PRKCE: variants seen among roughly 807,000 people sequenced by gnomAD.
The protein encoded by PRKCE is protein kinase C epsilon type.
PRKCE carries 16 observed loss-of-function variants against 85.4 expected under a neutral mutation model. The observed-to-expected ratio is 0.19, with a 90% CI of 0.13 to 0.28. PRKCE has a LOEUF of 0.28. PRKCE is among the 10% of genes least tolerant of loss of function. PRKCE has a pLI of 1.00. For synonymous variants in PRKCE, 388 were observed against 371.5 expected (o/e 1.04, Z -0.51); for missense variants, 573 against 975.2 (o/e 0.59, Z 5.49).
chr2:46,139,787 G>T lies in PRKCE; in HGVS notation c.1593-5306G>T, dbSNP rs1367066734. Among the ~76,000 whole-genome samples the T allele has an allele frequency of 6.6e-6, 1 of 151,776 alleles. No individual in the cohort carries two copies. The highest frequency in any genetic ancestry group is 1.9e-4 in the East Asian group (1 of 5,186). On this transcript the variant is annotated intron_variant, in intron 11 of 14. Transcript: ENST00000306156. This position sits in a 1 kb window ranked among gnomAD's most constrained non-coding sequence, Gnocchi z 5.2. ...AGGAGGAAAGAAAAAGAAGAGTAAGGCTCTTCCTTTTAAGGAGACTTCCAC... is the reference window on the plus strand; with the variant it reads ...AGGAGGAAAGAAAAAGAAGAGTAAGTCTCTTCCTTTTAAGGAGACTTCCAC...
At chr2:45,701,769 C>G (rs1678661207) in intron 1 of PRKCE, among the ~76,000 whole-genome samples, 1 of 152,216 alleles carries the variant, frequency 6.6e-6, no homozygotes, top group African/African-American at 2.4e-5. Context: ...AAATTCTAGT[C>G]TGATAAAGCC....
intron 2 of PRKCE, among the ~76,000 whole-genome samples, chr2:45,847,520 TAAC>T (rs1691892224): frequency 6.6e-6 from 1 of 152,200 alleles, no homozygotes; most frequent in Non-Finnish European, 1.5e-5. Flanking sequence ...TCTGAAATAA[TAAC>T]ATGTGTGTAG....
intron 5 of PRKCE, among the ~76,000 whole-genome samples, chr2:45,982,924 A>G (rs545724442): frequency 1.1e-4 from 16 of 152,340 alleles, no homozygotes; most frequent in Middle Eastern, 3.4e-3. Flanking sequence ...CCAAGACTCT[A>G]TTCTCAGTAT....
At chr2:45,750,734 TA>T (rs2104740683) in intron 1 of PRKCE, among the ~76,000 whole-genome samples, 1 of 152,292 alleles carries the variant, frequency 6.6e-6, no homozygotes, top group South Asian at 2.1e-4. Context: ...ATTGAATGAG[TA>T]ATACATGGAA....
intron 10 of PRKCE, among the ~76,000 whole-genome samples, chr2:46,013,634 A>T (rs1705872111): frequency 6.6e-6 from 1 of 152,148 alleles, no homozygotes; most frequent in Non-Finnish European, 1.5e-5. Flanking sequence ...TTCCACTAAG[A>T]CTCTGATACA....
At chr2:45,677,708 A>T (rs115972080) in intron 1 of PRKCE, 2 of 201,832 alleles carry the variant, frequency 9.9e-6, no homozygotes, top group Admixed American at 1.3e-4. Flanking sequence ...TTAGAACATT[A>T]GGAAACTGCT....
At chr2:45,820,320 T>G (rs1268358703) in intron 1 of PRKCE, among the ~76,000 whole-genome samples, 2 of 151,936 alleles carry the variant, frequency 1.3e-5, no homozygotes, top group Non-Finnish European at 2.9e-5. Flanking sequence ...GATACGGGTG[T>G]GGACCTGCCT....
rs1485175768 is a variant in PRKCE at position 45,895,636 on chromosome 2, AT to A, written c.412+52574del. On this transcript the variant is annotated intron_variant, in intron 2 of 14. Coordinates refer to ENST00000306156, the MANE Select transcript of PRKCE (RefSeq NM_005400.3). This position sits in a 1 kb window ranked among gnomAD's most constrained non-coding sequence, Gnocchi z 4.8. Reference sequence around the variant, plus strand: ...TATTCATTTGGTAGAAGTCACTCTAATGGCATGCAGGGTAGATGATGTCAGC... The same window carrying A: ...TATTCATTTGGTAGAAGTCACTCTAAGGCATGCAGGGTAGATGATGTCAGC... Among the ~76,000 whole-genome samples, 1 of 152,230 alleles carries A rather than the reference AT, an allele frequency of 6.6e-6. No homozygotes were observed. The highest frequency in any genetic ancestry group is 1.5e-5 in the Non-Finnish European group (1 of 68,044).
intron 1 of PRKCE, among the ~76,000 whole-genome samples, chr2:45,688,138 T>C (rs1441732672): frequency 6.6e-6 from 1 of 152,218 alleles, no homozygotes; most frequent in African/African-American, 2.4e-5. Flanking sequence ...TTGACTCAGA[T>C]AATGATGCCA....
intron 2 of PRKCE, among the ~76,000 whole-genome samples, chr2:45,851,381 G>A (rs767783570): frequency 2.6e-5 from 4 of 152,212 alleles, no homozygotes; most frequent in Non-Finnish European, 5.9e-5. Flanking sequence ...GCACAGAAGT[G>A]AATAATAGAA....
intron 12 of PRKCE, among the ~76,000 whole-genome samples, chr2:46,150,506 G>T (rs117822207): frequency 1.3e-5 from 2 of 152,290 alleles, no homozygotes; most frequent in East Asian, 1.9e-4. Flanking sequence ...ATTACAGGGT[G>T]GGGGAGACTT....
chr2:45,835,090 G>A (rs985817348), intron 1 of PRKCE, among the ~76,000 whole-genome samples: 23 of 152,204 alleles, frequency 1.5e-4, no homozygotes, highest in African/African-American at 5.3e-4. Context: ...ACACAGGTAG[G>A]TGTACATTAT....
At position 46,135,745 on chromosome 2, in the gene PRKCE, G is replaced by GTTTTT. The variant is rs1558491144; in HGVS notation, c.1593-9348_1593-9347insTTTTT. On this transcript the variant is annotated intron_variant, in intron 11 of 14. Coordinates refer to ENST00000306156, the MANE Select transcript of PRKCE (RefSeq NM_005400.3). ...TACCTTGGGTTCAGAAACAAATTAT[G>GTTTTT]CTTTTTTTTTTTTTTTTTTTTTTTT... Among the ~76,000 whole-genome samples the GTTTTT allele has an allele frequency of 2.0e-3, 30 of 14,902 alleles. 1 individual carries two copies. Among genetic ancestry groups the GTTTTT allele is most frequent in the African/African-American group, 7.8e-3 (29 of 3,704 alleles). 9.8% of individuals were successfully genotyped at this position (14,902 alleles called of 152,430 possible).
At chr2:45,993,234 T>C (rs548125532) in intron 6 of PRKCE, among the ~76,000 whole-genome samples, 1 of 152,360 alleles carries the variant, frequency 6.6e-6, no homozygotes, top group Non-Finnish European at 1.5e-5. Context: ...GGACGCCCAC[T>C]GTCCTTTGCT....
intron 1 of PRKCE, among the ~76,000 whole-genome samples, chr2:45,794,140 GC>G (rs1687236637): frequency 6.6e-6 from 1 of 152,140 alleles, no homozygotes; most frequent in East Asian, 1.9e-4. Context: ...ACCAGTCAAT[GC>G]AGAACTCTTC....
chr2:45,739,134 A>C, intron 1 of PRKCE, among the ~76,000 whole-genome samples: 1 of 152,214 alleles, frequency 6.6e-6, no homozygotes, highest in East Asian at 1.9e-4. Context: ...CTCCAGGCTT[A>C]AATTCAACTA....
intron 1 of PRKCE, among the ~76,000 whole-genome samples, chr2:45,837,940 C>T (rs1414641043): frequency 2.0e-5 from 3 of 152,254 alleles, no homozygotes; most frequent in African/African-American, 4.8e-5. Flanking sequence ...TAAATGAATG[C>T]GTATGAGGGG....
At chr2:45,844,517 G>C (rs1007327851) in intron 2 of PRKCE, among the ~76,000 whole-genome samples, 4 of 152,180 alleles carry the variant, frequency 2.6e-5, no homozygotes, top group African/African-American at 7.2e-5. Flanking sequence ...TTAAGAATTA[G>C]AGCAAGCAGT....
rs1160076097 is a variant in PRKCE at position 46,074,475 on chromosome 2, GCAA to G, written c.1438-11723_1438-11721del. 3.4e-5 allele frequency among the ~76,000 whole-genome samples: 5 copies of G among 145,876 alleles called. No homozygotes were observed. The South Asian group carries it at 8.9e-4, about 26-fold the overall frequency. ...AAAAACACGGATAGAAAAAACAGCA[GCAA>G]CAACAACAATAGCAGCAGGAGGAGC... On this transcript the variant is annotated intron_variant, in intron 10 of 14. Transcript: ENST00000306156.
Sources: allele counts gnomAD v4.1 joint callset (sites outside exome capture counted in the v4.1 genomes callset), GRCh38; gene constraint gnomAD v4.1.1; non-coding constraint Gnocchi (gnomAD v3.1); transcripts MANE v1.5; gene names NCBI Gene and HGNC (gene_info 2026-07-23, HGNC 2026-07-21).